NUP93: variants seen among roughly 807,000 people sequenced by gnomAD.
NUP93 encodes nuclear pore complex protein Nup93.
In NUP93, 55 loss-of-function variants were observed where a neutral mutation model predicts 107.8. The observed-to-expected ratio is 0.51, with a 90% CI of 0.41 to 0.64. The LOEUF is 0.64. Ranked by LOEUF, NUP93 falls within the 30% of genes least tolerant of loss-of-function variation. The pLI is 0.00. For synonymous variants in NUP93, 390 were observed against 397.5 expected, an observed-to-expected ratio of 0.98 and a Z score of 0.22; for missense variants, 937 against 1,044.7, an observed-to-expected ratio of 0.90 and a Z score of 1.42.
At chr16:56,842,786 CAA>C (rs1375602228) in intron 21 of NUP93, 3 of 335,474 alleles carry the variant, frequency 8.9e-6, no homozygotes, top group African/African-American at 6.6e-5. Context: ...CTCCTGAGCT[CAA>C]GAGATCCCCC....
intron 3 of NUP93, among the ~76,000 whole-genome samples, chr16:56,773,926 C>G (rs1169242376): frequency 1.3e-5 from 2 of 152,128 alleles, no homozygotes; most frequent in Non-Finnish European, 2.9e-5. Context: ...TTTATCTTTG[C>G]TTCATCAAGG....
chr16:56,818,739 G>A lies in NUP93; in HGVS notation c.564+1G>A. On this transcript the variant is annotated splice_donor_variant, in intron 6 of 21. Coordinates refer to ENST00000308159, the MANE Select transcript of NUP93 (RefSeq NM_014669.5). LOFTEE classifies it high-confidence loss of function. Reference sequence around the variant, plus strand: ...CATCGAGATGGCCTATGCGCGGCAAGTGAGTGTGATTTTAAGGGGGATTAA... The same window carrying A: ...CATCGAGATGGCCTATGCGCGGCAAATGAGTGTGATTTTAAGGGGGATTAA... 1.2e-6 allele frequency: 2 copies of A among 1,613,462 alleles called. No individual in the cohort carries two copies. The highest frequency in any genetic ancestry group is 1.7e-6 in the Non-Finnish European group (2 of 1,179,438).
chr16:56,835,871 G>A (rs550647177), intron 16 of NUP93, among the ~76,000 whole-genome samples: 160 of 152,222 alleles, frequency 1.1e-3, no homozygotes, highest in African/African-American at 3.6e-3. Flanking sequence ...GCTCACGCCT[G>A]TAATCCCAGC....
chr16:56,754,584 A>G lies in NUP93; in HGVS notation c.180-3954A>G, dbSNP rs957980949. On this transcript the variant is annotated intron_variant, in intron 2 of 21. Coordinates refer to ENST00000308159, the MANE Select transcript of NUP93 (RefSeq NM_014669.5). ...AAATTGGCCAAAACAAAGGGGCTAC[A>G]GACCCCATGCTTTGGCTCTGCAGGG... Among the ~76,000 whole-genome samples the G allele has an allele frequency of 1.8e-4, 27 of 152,258 alleles. 1 individual carries two copies. Among genetic ancestry groups the G allele is most frequent in the Admixed American group, 1.6e-3 (24 of 15,288 alleles).
At position 56,845,038 on chromosome 16, in the gene NUP93, A is replaced by C. The variant is rs1459582980; in HGVS notation, c.*429A>C. Reference sequence around the variant, plus strand: ...TTTTCACATTTTTATTTGAATGTGAAAGTCAACCTCAGCCTTAGAAGATGT... The same window carrying C: ...TTTTCACATTTTTATTTGAATGTGACAGTCAACCTCAGCCTTAGAAGATGT... On this transcript the variant is annotated 3_prime_UTR_variant, in exon 22 of 22. Transcript: ENST00000308159. The C allele has an allele frequency of 4.1e-6, 1 of 241,534 alleles. No individual in the cohort carries two copies. Among genetic ancestry groups the C allele is most frequent in the Non-Finnish European group, 8.0e-6 (1 of 125,016 alleles). The allele number at this position is 241,534 out of a possible 1,614,324, so 15.0% of individuals were successfully genotyped here.
At chr16:56,749,936 T>TGGGA (rs1374437546) in intron 2 of NUP93, among the ~76,000 whole-genome samples, 2 of 152,212 alleles carry the variant, frequency 1.3e-5, no homozygotes, top group Non-Finnish European at 2.9e-5. Flanking sequence ...CTAACTTGCC[T>TGGGA]TCCCTGCAGG....
chr16:56,841,870 A>C, intron 21 of NUP93, 37 bp downstream of exon 21: 1 of 1,610,910 alleles, frequency 6.2e-7, no homozygotes, highest in Non-Finnish European at 8.5e-7. Context: ...ATTGCTAAGC[A>C]CCACCTTTCT....
intron 8 of NUP93, among the ~76,000 whole-genome samples, chr16:56,826,387 C>T (rs1243335274): frequency 2.0e-5 from 3 of 151,922 alleles, no homozygotes; most frequent in Non-Finnish European, 2.9e-5. Context: ...TGGTGTGCAC[C>T]TGGCGCAAGT....
intron 1 of NUP93, among the ~76,000 whole-genome samples, chr16:56,746,198 T>C (rs1163719385): frequency 6.6e-6 from 1 of 152,134 alleles, no homozygotes; most frequent in Non-Finnish European, 1.5e-5. Flanking sequence ...GAATGCTTTG[T>C]TTTTCTTTTC....
rs373611496 is a variant in NUP93, at chr16:56,812,595, G to A, written c.490-6069G>A. On this transcript the variant is annotated intron_variant, in intron 5 of 21. Coordinates refer to ENST00000308159, the MANE Select transcript of NUP93 (RefSeq NM_014669.5). ...CCTGACCTTGTGATCTGCCCGCCTC[G>A]GCCTCCCAAAGTGCTGGGATTACAG... 4.6e-5 allele frequency among the ~76,000 whole-genome samples: 7 copies of A among 152,000 alleles called. No individual in the cohort carries two copies. In the South Asian group the frequency reaches 6.2e-4, roughly 14 times the overall value.
At chr16:56,769,341 G>A (rs764687999) in intron 3 of NUP93, among the ~76,000 whole-genome samples, 4 of 152,192 alleles carry the variant, frequency 2.6e-5, no homozygotes, top group Non-Finnish European at 4.4e-5. Flanking sequence ...ATTTACACAA[G>A]CTTAGTAGTA....
At chr16:56,764,457 TC>T (rs1596780860) in intron 3 of NUP93, among the ~76,000 whole-genome samples, 1 of 152,142 alleles carries the variant, frequency 6.6e-6, no homozygotes, top group African/African-American at 2.4e-5. Context: ...ACCACAGCAC[TC>T]CAGCCTGGCT....
chr16:56,835,174 T>A (rs1179730059), intron 16 of NUP93, among the ~76,000 whole-genome samples: 2 of 152,180 alleles, frequency 1.3e-5, no homozygotes, highest in African/African-American at 4.8e-5. Context: ...TCCTTCAAAA[T>A]GCAGTTTCCA....
At chr16:56,732,094 G>A (rs1961545117) in intron 1 of NUP93, among the ~76,000 whole-genome samples, 1 of 152,184 alleles carries the variant, frequency 6.6e-6, no homozygotes, top group Non-Finnish European at 1.5e-5. Context: ...CATGTAGTTT[G>A]CACTCACTTC....
Position 56,829,184 on chromosome 16 carries a change from A to T in NUP93, c.927+75A>T, listed in dbSNP as rs945770288. On this transcript the variant is annotated intron_variant, in intron 9 of 21. Transcript: ENST00000308159. ...CCTCAGATGGGCATTTTCAGTTAAAATGAGGGTATCTGTGGAGACTACTGT... is the reference window on the plus strand; with the variant it reads ...CCTCAGATGGGCATTTTCAGTTAAATTGAGGGTATCTGTGGAGACTACTGT... 4 of 1,530,250 alleles carry T rather than the reference A, an allele frequency of 2.6e-6. No homozygotes were observed. The South Asian group carries it at 5.0e-5, about 19-fold the overall frequency. 94.8% of individuals were successfully genotyped at this position (1,530,250 alleles called of 1,614,324 possible). A position where few individuals can be genotyped will look rare whatever the true frequency, so the allele number is the denominator to read the frequency against.
intron 3 of NUP93, among the ~76,000 whole-genome samples, chr16:56,767,516 G>C (rs1273379542): frequency 6.6e-6 from 1 of 152,070 alleles, no homozygotes; most frequent in Non-Finnish European, 1.5e-5. Context: ...TCTTTGAATG[G>C]GATGAACAAA....
In NUP93 at chr16:56,748,312, G is replaced by A. The variant is rs753815347; in HGVS notation, c.65G>A (p.Gly22Asp). 6.4e-7 allele frequency: 1 copy of A among 1,557,536 alleles called. No individual in the cohort carries two copies. The highest frequency in any genetic ancestry group is 8.9e-7 in the Non-Finnish European group (1 of 1,129,008). The change falls in exon 2 of 22, where the codon GGC (glycine) becomes GAC (aspartate). Residue 22 changes from glycine to aspartate, a missense_variant. Coordinates refer to ENST00000308159, the MANE Select transcript of NUP93 (RefSeq NM_014669.5). ...GAACAGCTTGCTGCTGAGACTGAGGGCATCTCAGAGCTTCCCCATGTGGAA... is the reference window on the plus strand; with the variant it reads ...GAACAGCTTGCTGCTGAGACTGAGGACATCTCAGAGCTTCCCCATGTGGAA... ...QAEQLAAETE[G>D]ISELPHVERN...
chr16:56,754,474 CCTGTAAGACCAAAA>C (rs1268493226), intron 2 of NUP93, among the ~76,000 whole-genome samples: 1 of 152,216 alleles, frequency 6.6e-6, no homozygotes, highest in Non-Finnish European at 1.5e-5. Context: ...TGCCTATGAG[CCTGTAAGACCAAAA>C]ACAAGTTAGT....
At chr16:56,739,583 C>T (rs1475866616) in intron 1 of NUP93, among the ~76,000 whole-genome samples, 46 of 115,802 alleles carry the variant, frequency 4.0e-4, no homozygotes, top group African/African-American at 1.3e-3. Flanking sequence ...GGCTGACCCC[C>T]CCACCTCCCT....
Sources: allele counts gnomAD v4.1 joint callset (sites outside exome capture counted in the v4.1 genomes callset), GRCh38; gene constraint gnomAD v4.1.1; transcripts MANE v1.5; gene names NCBI Gene and HGNC (gene_info 2026-07-23, HGNC 2026-07-21).